The following RMND1 variants were observed in gnomAD, a reference collection of about 807,000 sequenced individuals.
RMND1 encodes required for meiotic nuclear division 1 homolog, also known as required for meiotic nuclear division protein 1 homolog.
A neutral mutation model predicts 54.0 loss-of-function variants in RMND1; 41 were observed. The ratio of observed to expected loss-of-function variants is 0.76; its 90% CI spans 0.59 to 0.98. RMND1 has a LOEUF of 0.98. RMND1 is among the 50% of genes least tolerant of loss of function. The pLI, the probability that RMND1 is intolerant of heterozygous loss-of-function variation, is 0.00. For synonymous variants in RMND1, 183 were observed against 181.7 expected (o/e 1.01, Z -0.06); for missense variants, 457 against 532.0 (o/e 0.86, Z 1.39).
intron 5 of RMND1, among the ~76,000 whole-genome samples, chr6:151,429,219 T>C (rs571668731): frequency 2.6e-5 from 4 of 152,182 alleles, no homozygotes; most frequent in Non-Finnish European, 4.4e-5. Flanking sequence ...CCTCCAAGGT[T>C]TAAGCGATTC....
In RMND1 at chr6:151,435,517, CAATT is replaced by C. The variant is rs1780578848; in HGVS notation, c.613+925_613+928del. On this transcript the variant is annotated intron_variant, in intron 3 of 11. Transcript: ENST00000444024. ...TTCCTGATTTCACCATAAAAATCCT[CAATT>C]AAGTTCATTTTAATTTTCTTCTTTT... 2.0e-5 allele frequency among the ~76,000 whole-genome samples: 3 copies of C among 151,914 alleles called. No homozygotes were observed. In the East Asian group the frequency reaches 5.8e-4, roughly 30 times the overall value.
chr6:151,429,284 G>A (rs1780389887), intron 5 of RMND1, among the ~76,000 whole-genome samples: 1 of 152,008 alleles, frequency 6.6e-6, no homozygotes. Context: ...ACCACGCCCA[G>A]CTAATTTTTG....
At chr6:151,421,216 A>G in intron 9 of RMND1, 29 bp downstream of exon 9, 1 of 1,457,186 alleles carries the variant, frequency 6.9e-7, no homozygotes, top group Non-Finnish European at 9.5e-7. Context: ...AAATATATGA[A>G]ATATTTTATT....
chr6:151,432,241 C>T (rs927552349), intron 4 of RMND1, among the ~76,000 whole-genome samples: 15 of 152,144 alleles, frequency 9.9e-5, no homozygotes, highest in Admixed American at 1.3e-4. Context: ...CCAGCCGAGG[C>T]TTGCACTGTA....
chr6:151,449,902 C>T (rs540823767), intron 1 of RMND1, among the ~76,000 whole-genome samples: 2 of 152,350 alleles, frequency 1.3e-5, no homozygotes, highest in South Asian at 4.1e-4. Flanking sequence ...CTGCCAGCCT[C>T]GGCCTCCCGA....
chr6:151,420,531 G>A (rs923285866), intron 9 of RMND1, among the ~76,000 whole-genome samples: 1 of 152,082 alleles, frequency 6.6e-6, no homozygotes, highest in Non-Finnish European at 1.5e-5. Flanking sequence ...ACAACTACAA[G>A]AATAATAAAA....
intron 11 of RMND1, 28 bp from the exon 12 acceptor site, chr6:151,405,295 A>T: frequency 6.2e-7 from 1 of 1,603,940 alleles, no homozygotes; most frequent in Non-Finnish European, 8.5e-7. Context: ...GAATTATTTC[A>T]TGACGGGCAA....
In RMND1 at chr6:151,445,373, G is replaced by T; in HGVS notation, c.439C>A (p.Pro147Thr). The T allele has an allele frequency of 6.2e-7, 1 of 1,613,974 alleles. No homozygotes were observed. Among genetic ancestry groups the T allele is most frequent in the South Asian group, 1.1e-5 (1 of 91,078 alleles). ...PKQDFPQVKR[P>T]LKASRTRQPS... ...TGTCTGGTCCTGGATGCTTTTAGTG[G>T]TCTCTTCACCTGTGGGAAGTCTTGT... The change falls in exon 2 of 12, where the codon CCA (proline) becomes ACA (threonine). Residue 147 changes from proline (P) to threonine (T), a missense_variant. Physicochemically the swap from Pro to Thr is conservative, Grantham distance 38 (BLOSUM62 -1). Coordinates refer to ENST00000444024, the MANE Select transcript of RMND1 (RefSeq NM_017909.4).
At chr6:151,426,083 G>A (rs1178086706) in intron 6 of RMND1, among the ~76,000 whole-genome samples, 1 of 151,454 alleles carries the variant, frequency 6.6e-6, no homozygotes, top group Non-Finnish European at 1.5e-5. Flanking sequence ...CAAGTAGCTG[G>A]GATCACAGAC....
At chr6:151,433,620 T>G (rs927852638) in intron 3 of RMND1, among the ~76,000 whole-genome samples, 4 of 152,142 alleles carry the variant, frequency 2.6e-5, no homozygotes, top group African/African-American at 9.7e-5. Context: ...TATTAATATA[T>G]TCTCTTCCTA....
chr6:151,445,217 T>C, intron 2 of RMND1, 91 bp downstream of exon 2: 2 of 1,357,472 alleles, frequency 1.5e-6, no homozygotes, highest in East Asian at 2.3e-5. Flanking sequence ...CTAGTTCTCT[T>C]ACGTTGGCGG....
At chr6:151,430,520 C>T (rs888648350) in intron 4 of RMND1, among the ~76,000 whole-genome samples, 1 of 152,116 alleles carries the variant, frequency 6.6e-6, no homozygotes, top group Non-Finnish European at 1.5e-5. Flanking sequence ...TTTTTTGAGA[C>T]CTTGTCTTAG....
chr6:151,442,710 TTC>T (rs1491355895), intron 2 of RMND1, among the ~76,000 whole-genome samples: 68 of 144,796 alleles, frequency 4.7e-4, no homozygotes, highest in East Asian at 6.1e-4. Flanking sequence ...TTTTTTTTTT[TTC>T]CAAGTCTTTT....
rs1407698982 is a variant in RMND1 at position 151,445,093 on chromosome 6, T to G, written c.504+215A>C. 6.7e-5 allele frequency: 33 copies of G among 494,312 alleles called. No homozygotes were observed. The East Asian group carries it at 1.0e-3, about 15-fold the overall frequency. 30.6% of individuals were successfully genotyped at this position (494,312 alleles called of 1,614,324 possible). A position where few individuals can be genotyped will look rare whatever the true frequency, so the allele number is the denominator to read the frequency against. On this transcript the variant is annotated intron_variant, in intron 2 of 11. Transcript: ENST00000444024. ...TTTTATAAACTCTATTTTCATGTGTTATCACCTGTATTTTGTTTTTATATG... is the reference window on the plus strand; with the variant it reads ...TTTTATAAACTCTATTTTCATGTGTGATCACCTGTATTTTGTTTTTATATG...
At chr6:151,414,500 T>C (rs1046604226) in intron 10 of RMND1, among the ~76,000 whole-genome samples, 1 of 152,170 alleles carries the variant, frequency 6.6e-6, no homozygotes, top group African/African-American at 2.4e-5. Flanking sequence ...TAGGTATTAT[T>C]AGATGATGTT....
chr6:151,433,264 GT>G, intron 3 of RMND1, 34 bp from the exon 4 acceptor site: 1 of 1,471,308 alleles, frequency 6.8e-7, no homozygotes, highest in Non-Finnish European at 9.5e-7. Flanking sequence ...AAAAAGCTAT[GT>G]CAAGGTAACA....
chr6:151,445,006 A>T, intron 2 of RMND1: 1 of 280,702 alleles, frequency 3.6e-6, no homozygotes, highest in South Asian at 1.5e-4. Context: ...TTACAGTCCC[A>T]TTCTTAGACT....
intron 3 of RMND1, among the ~76,000 whole-genome samples, chr6:151,434,564 C>T (rs1277049273): frequency 6.6e-6 from 1 of 152,180 alleles, no homozygotes; most frequent in African/African-American, 2.4e-5. Flanking sequence ...CAGCCTTCAG[C>T]ATCAGCCAAC....
At chr6:151,409,549 G>A (rs550846687) in intron 10 of RMND1, among the ~76,000 whole-genome samples, 27 of 152,092 alleles carry the variant, frequency 1.8e-4, no homozygotes, top group Non-Finnish European at 3.2e-4. Flanking sequence ...TATTTCTTGC[G>A]GACATACTGT....
Sources: allele counts gnomAD v4.1 joint callset (sites outside exome capture counted in the v4.1 genomes callset), GRCh38; gene constraint gnomAD v4.1.1; transcripts MANE v1.5; gene names NCBI Gene and HGNC (gene_info 2026-07-23, HGNC 2026-07-21).